Variants in GRM7 observed in about 807,000 individuals in gnomAD.
GRM7 encodes glutamate metabotropic receptor 7, also known as metabotropic glutamate receptor 7.
Under a neutral mutation model 84.5 loss-of-function variants are expected in GRM7, and 35 were observed. The ratio of observed to expected loss-of-function variants is 0.41; its 90% CI spans 0.32 to 0.55. The LOEUF (loss-of-function observed/expected upper bound fraction) is 0.55, where lower values mean the gene tolerates loss of function less well. Ranked by LOEUF, GRM7 falls within the 20% of genes least tolerant of loss-of-function variation. The pLI is 0.19. For synonymous variants in GRM7, 487 were observed against 455.1 expected, an observed-to-expected ratio of 1.07 and a Z score of -0.89; for missense variants, 1,003 against 1,194.6, an observed-to-expected ratio of 0.84 and a Z score of 2.36.
At position 7,072,952 on chromosome 3, in the gene GRM7, C is replaced by A. The variant is rs560340810; in HGVS notation, c.520-73500C>A. On this transcript the variant is annotated intron_variant, in intron 1 of 9. Transcript: ENST00000357716. ...GAGCACTCCTCAAGCTCCATGCTGT[C>A]TTATTGCTTTTGTGGACAATCTGTA... 6.6e-5 allele frequency among the ~76,000 whole-genome samples: 10 copies of A among 152,220 alleles called. No individual in the cohort carries two copies. The South Asian group carries it at 2.1e-3, about 32-fold the overall frequency.
chr3:6,953,499 A>AT (rs767063641), intron 1 of GRM7, among the ~76,000 whole-genome samples: 4 of 152,032 alleles, frequency 2.6e-5, no homozygotes, highest in Admixed American at 2.0e-4. Flanking sequence ...TATATGCTTC[A>AT]TTTTTCCCCC....
intron 1 of GRM7, among the ~76,000 whole-genome samples, chr3:6,900,827 A>G (rs930465938): frequency 3.3e-5 from 5 of 152,212 alleles, no homozygotes; most frequent in African/African-American, 4.8e-5. Context: ...CATCAGGGCT[A>G]GGTATTATTG....
chr3:7,311,130 A>G (rs934889349), intron 4 of GRM7, among the ~76,000 whole-genome samples: 6 of 152,224 alleles, frequency 3.9e-5, no homozygotes, highest in African/African-American at 1.4e-4. Context: ...AGAATAAAAT[A>G]GTAAAGAGAA....
chr3:7,011,696 A>T (rs966064457), intron 1 of GRM7, among the ~76,000 whole-genome samples: 3 of 152,348 alleles, frequency 2.0e-5, no homozygotes, highest in Admixed American at 6.5e-5. Flanking sequence ...TTGACTAACA[A>T]TTGAAGGCAA....
intron 4 of GRM7, among the ~76,000 whole-genome samples, chr3:7,397,373 A>G (rs894064228): frequency 4.6e-5 from 7 of 152,188 alleles, no homozygotes; most frequent in African/African-American, 1.7e-4. Context: ...ACTCAAAGCC[A>G]TTATGTAGAG....
chr3:6,892,666 C>G (rs753047360), intron 1 of GRM7: 1 of 152,026 alleles, frequency 6.6e-6, no homozygotes, highest in Non-Finnish European at 1.5e-5. Flanking sequence ...TGTAGCTGCC[C>G]GTTTTACATA....
At chr3:7,414,198 C>A (rs778840610) in intron 4 of GRM7, among the ~76,000 whole-genome samples, 1 of 152,068 alleles carries the variant, frequency 6.6e-6, no homozygotes, top group African/African-American at 2.4e-5. Flanking sequence ...GGAAGTAAGT[C>A]CATTTTTTCT....
intron 8 of GRM7, among the ~76,000 whole-genome samples, chr3:7,669,733 G>A (rs938348858): frequency 6.6e-6 from 1 of 152,180 alleles, no homozygotes; most frequent in Admixed American, 6.5e-5. Context: ...CAAGAGGAAA[G>A]GGAAATGGGT....
chr3:7,375,689 G>T (rs1232113158), intron 4 of GRM7, among the ~76,000 whole-genome samples: 1 of 152,012 alleles, frequency 6.6e-6, no homozygotes, highest in Non-Finnish European at 1.5e-5. Flanking sequence ...CCAATCTCTG[G>T]ATTGATTAAT....
In GRM7 at chr3:7,408,754, C is replaced by T. The variant is rs551812235; in HGVS notation, c.1034-6269C>T. On this transcript the variant is annotated intron_variant, in intron 4 of 9. Transcript: ENST00000357716. ...GAGAGCGCAGCACATGGCATAGAGT[C>T]GAGGGTGCAGGACAGCTAGTTCCTA... Among the ~76,000 whole-genome samples, 20 of 152,258 alleles carry T rather than the reference C, an allele frequency of 1.3e-4. No individual in the cohort carries two copies. The South Asian group carries it at 3.3e-3, about 25-fold the overall frequency.
chr3:7,329,166 A>C (rs1482239278), intron 4 of GRM7, among the ~76,000 whole-genome samples: 5 of 152,090 alleles, frequency 3.3e-5, no homozygotes, highest in Non-Finnish European at 7.4e-5. Context: ...AGGCCACAAA[A>C]TCACTAGAGG....
rs1259794556 is a variant in GRM7 at position 7,415,150 on chromosome 3, T to G, written c.1161T>G (p.Asp387Glu). ...GTGGGTCAAAAAAAGAAGACACAGA[T>G]CGCAAATGCACAGGTAATTTAATTC... ...TISGSKKEDT[D>E]RKCTGQERIG... Residue 387 changes from aspartate (D) to glutamate (E), a missense_variant, in exon 5 of 10, where the codon GAT becomes GAG. Physicochemically the swap from Asp to Glu is conservative, Grantham distance 45. Coordinates refer to ENST00000357716, the MANE Select transcript of GRM7 (RefSeq NM_000844.4). The G allele has an allele frequency of 1.9e-6, 3 of 1,612,906 alleles. No individual in the cohort carries two copies. Among genetic ancestry groups the G allele is most frequent in the Non-Finnish European group, 2.5e-6 (3 of 1,179,144 alleles).
Position 7,430,996 on chromosome 3 carries a change from C to G in GRM7, c.1174+15833C>G, listed in dbSNP as rs115884481. Among the ~76,000 whole-genome samples the G allele has an allele frequency of 2.0e-5, 3 of 152,204 alleles. 1 individual carries two copies. Among genetic ancestry groups the G allele is most frequent in the African/African-American group, 2.4e-5 (1 of 41,536 alleles). On this transcript the variant is annotated intron_variant, in intron 5 of 9. Transcript: ENST00000357716. ...CCACCTAGACCACTCTGCATTACCC[C>G]CACTGGACTTGAGGGAGTTGTGGGG...
chr3:7,619,319 T>C (rs917551507), intron 8 of GRM7, among the ~76,000 whole-genome samples: 5 of 152,138 alleles, frequency 3.3e-5, no homozygotes, highest in African/African-American at 9.7e-5. Context: ...GTTACTCAAA[T>C]GCCAGGTGTC....
At chr3:7,164,467 G>A (rs1694737860) in intron 2 of GRM7, among the ~76,000 whole-genome samples, 1 of 152,192 alleles carries the variant, frequency 6.6e-6, no homozygotes. Context: ...ACTTCTCAAA[G>A]TTTCACTTCT....
Position 7,000,628 on chromosome 3 carries a change from A to C in GRM7, c.519+138721A>C, listed in dbSNP as rs73812011. 4.9e-3 allele frequency among the ~76,000 whole-genome samples: 752 copies of C among 152,320 alleles called. 3 individuals are homozygous for C. Among genetic ancestry groups the C allele is most frequent in the African/African-American group, 0.017 (704 of 41,572 alleles). ...TCCTCTTGAACTGCTTTAATGAAGA[A>C]TCCCCAGATCTTAGTGGCTCACAAC... On this transcript the variant is annotated intron_variant, in intron 1 of 9. Coordinates refer to ENST00000357716, the MANE Select transcript of GRM7 (RefSeq NM_000844.4).
chr3:7,348,592 A>C (rs1189094954), intron 4 of GRM7, among the ~76,000 whole-genome samples: 3 of 152,158 alleles, frequency 2.0e-5, no homozygotes, highest in African/African-American at 7.2e-5. Context: ...AGCAGGTGGC[A>C]TTTGTCCACA....
chr3:6,929,915 C>T (rs913345721), intron 1 of GRM7, among the ~76,000 whole-genome samples: 6 of 152,154 alleles, frequency 3.9e-5, no homozygotes, highest in East Asian at 1.9e-4. Context: ...GCTTCTCCTC[C>T]GGAGATCAAT....
chr3:6,981,928 A>G (rs1169432961), intron 1 of GRM7, among the ~76,000 whole-genome samples: 1 of 152,234 alleles, frequency 6.6e-6, no homozygotes, highest in African/African-American at 2.4e-5. Flanking sequence ...CATTGGATCC[A>G]GCAGTCTCTT....
Sources: gnomAD v4.1 joint callset for allele counts (sites outside exome capture counted in the v4.1 genomes callset) on GRCh38, gnomAD v4.1.1 for gene constraint, MANE v1.5 for transcripts, NCBI Gene and HGNC (gene_info 2026-07-23, HGNC 2026-07-21) for gene names.